The following TRPM1 variants were observed in gnomAD, a reference collection of about 807,000 sequenced individuals.
TRPM1 encodes transient receptor potential cation channel subfamily M member 1.
In TRPM1, 113 loss-of-function variants were observed where a neutral mutation model predicts 149.4. The observed-to-expected ratio is 0.76, with a 90% CI of 0.65 to 0.88. The LOEUF is 0.88. TRPM1 is among the 40% of genes least tolerant of loss of function. The pLI is 0.00. For missense variants in TRPM1, 1,976 were observed against 2,038.7 expected (o/e 0.97, Z 0.59); for synonymous variants, 741 against 759.5 (o/e 0.98, Z 0.40).
intron 27 of TRPM1, among the ~76,000 whole-genome samples, chr15:31,023,003 G>A (rs532225951): frequency 6.6e-6 from 1 of 152,358 alleles, no homozygotes; most frequent in African/African-American, 2.4e-5. Context: ...CACAGAGCGA[G>A]ACCTTGTCTC....
intron 12 of TRPM1, 139 bp from the exon 13 acceptor site, chr15:31,049,648 C>G: frequency 1.1e-6 from 1 of 939,320 alleles, no homozygotes; most frequent in East Asian, 2.5e-5. Context: ...TGCTCTTTAT[C>G]TTGGGTAAAC....
chr15:31,104,931 T>C (rs900523431), upstream of TRPM1, among the ~76,000 whole-genome samples: 5 of 152,264 alleles, frequency 3.3e-5, no homozygotes, highest in East Asian at 9.7e-4. Flanking sequence ...GACTCTTCTT[T>C]ATTTGTTAGC....
chr15:31,120,307 G>A (rs766236411), intron 1 of TRPM1, among the ~76,000 whole-genome samples: 1 of 151,898 alleles, frequency 6.6e-6, no homozygotes, highest in Non-Finnish European at 1.5e-5. Flanking sequence ...GGATAAATAG[G>A]ACATTACATA....
At chr15:31,036,523 C>A (rs1201321610) in intron 20 of TRPM1, among the ~76,000 whole-genome samples, 1 of 152,096 alleles carries the variant, frequency 6.6e-6, no homozygotes, top group African/African-American at 2.4e-5. Flanking sequence ...ACTATCCACT[C>A]TTTGAAGAAA....
At chr15:31,138,827 T>C (rs1487945782) in intron 1 of TRPM1, among the ~76,000 whole-genome samples, 1 of 152,200 alleles carries the variant, frequency 6.6e-6, no homozygotes, top group African/African-American at 2.4e-5. Context: ...GAAATTTATA[T>C]CTATGAAGAA....
intron 27 of TRPM1, among the ~76,000 whole-genome samples, chr15:31,006,532 T>C (rs1488958023): frequency 2.0e-5 from 3 of 152,248 alleles, no homozygotes; most frequent in Non-Finnish European, 4.4e-5. Context: ...ACATTTGGGT[T>C]GTTTCCATTA....
intron 20 of TRPM1, 117 bp from the exon 21 acceptor site, chr15:31,035,791 T>C: frequency 6.9e-7 from 1 of 1,459,722 alleles, no homozygotes; most frequent in South Asian, 1.2e-5. Flanking sequence ...CCAACTGGAC[T>C]GACTCATTGA....
chr15:31,049,097 C>A (rs1336396239), intron 13 of TRPM1, among the ~76,000 whole-genome samples: 3 of 152,084 alleles, frequency 2.0e-5, no homozygotes, highest in African/African-American at 7.2e-5. Context: ...GAGCTAGATT[C>A]CCTCTTTGTA....
At chr15:31,155,062 A>G (rs1034172597) in intron 1 of TRPM1, among the ~76,000 whole-genome samples, 1 of 152,246 alleles carries the variant, frequency 6.6e-6, no homozygotes, top group African/African-American at 2.4e-5. Context: ...TTTAAGCAGC[A>G]GGCAAGGTGA....
intron 25 of TRPM1, among the ~76,000 whole-genome samples, chr15:31,027,536 TC>T (rs1237940817): frequency 6.6e-6 from 1 of 152,208 alleles, no homozygotes; most frequent in African/African-American, 2.4e-5. Flanking sequence ...GATTGAAGGT[TC>T]GTTATTTTGG....
chr15:31,150,028 G>T (rs1205358652), intron 1 of TRPM1, among the ~76,000 whole-genome samples: 1 of 152,210 alleles, frequency 6.6e-6, no homozygotes, highest in African/African-American at 2.4e-5. Flanking sequence ...CTCTAGCTGT[G>T]CAGGAAGTAA....
At chr15:31,096,639 A>G (rs1400041400) in intron 1 of TRPM1, among the ~76,000 whole-genome samples, 1 of 152,244 alleles carries the variant, frequency 6.6e-6, no homozygotes, top group Non-Finnish European at 1.5e-5. Context: ...AGGCAGGTGC[A>G]GCCAGTGTCT....
intron 1 of TRPM1, among the ~76,000 whole-genome samples, chr15:31,156,307 C>T (rs1013605886): frequency 6.6e-6 from 1 of 151,098 alleles, no homozygotes; most frequent in Non-Finnish European, 1.5e-5. Flanking sequence ...AAATTTGCAG[C>T]TGTAAAGAGT....
At chr15:31,088,568 A>C (rs964648113) in intron 1 of TRPM1, among the ~76,000 whole-genome samples, 3 of 152,242 alleles carry the variant, frequency 2.0e-5, no homozygotes, top group African/African-American at 7.2e-5. Flanking sequence ...CTGCGGCTTC[A>C]CTGCTGAAGT....
chr15:31,005,104 A>AAAATAAAT (rs71420541), intron 27 of TRPM1, among the ~76,000 whole-genome samples: 16,127 of 142,716 alleles, frequency 0.11, 994 homozygotes, highest in African/African-American at 0.15. Context: ...TCCATCTCAA[A>AAAATAAAT]AAATAAATAA....
intron 1 of TRPM1, among the ~76,000 whole-genome samples, chr15:31,134,494 A>C (rs1236624380): frequency 6.6e-6 from 1 of 152,212 alleles, no homozygotes; most frequent in African/African-American, 2.4e-5. Flanking sequence ...GCCTCTCTGC[A>C]CCAGGAAAAG....
At chr15:31,114,278 T>C (rs2141028042) in intron 1 of TRPM1, among the ~76,000 whole-genome samples, 1 of 152,360 alleles carries the variant, frequency 6.6e-6, no homozygotes, top group East Asian at 1.9e-4. Flanking sequence ...TATTTGGTTT[T>C]CTGTTCCTGT....
In TRPM1 at chr15:31,002,085, G is replaced by A. The variant is rs778880898; in HGVS notation, c.4615C>T (p.Arg1539Ter). 1.8e-5 allele frequency: 29 copies of A among 1,614,108 alleles called. No homozygotes were observed. The highest frequency in any genetic ancestry group is 1.6e-4 in the Middle Eastern group (1 of 6,084). ...ATGGTTAGGGACAAGCGAGGGATTC[G>A]AGGAATTGCTTCAGCGACATGGTGT... is the stretch of plus-strand genomic sequence containing the variant. ...DEHHVAEAIP[R>*]IPRLSLTITD... The change falls in exon 28 of 28, where the codon CGA becomes TGA. Residue 1539 changes from arginine (R) to a stop codon, truncating the protein, a stop_gained. Coordinates refer to ENST00000256552, the MANE Select transcript of TRPM1 (RefSeq NM_001252024.2). LOFTEE classifies it low-confidence loss of function (END_TRUNC).
chr15:31,104,586 CTTTTTTT>C (rs928062797), upstream of TRPM1, among the ~76,000 whole-genome samples: 6 of 87,462 alleles, frequency 6.9e-5, no homozygotes, highest in Non-Finnish European at 1.0e-4. Context: ...GGTGATCTTC[CTTTTTTT>C]TTTTTTTTTT....
Sources: gnomAD v4.1 joint callset for allele counts (sites outside exome capture counted in the v4.1 genomes callset) on GRCh38, gnomAD v4.1.1 for gene constraint, MANE v1.5 for transcripts, NCBI Gene and HGNC (gene_info 2026-07-23, HGNC 2026-07-21) for gene names.